Variants in NRP1 observed in about 807,000 individuals in gnomAD.
The protein encoded by NRP1 is neuropilin-1.
In NRP1, 35 loss-of-function variants were observed where a neutral mutation model predicts 106.7. That is an observed-to-expected ratio of 0.33 (90% CI 0.25 to 0.43). NRP1 has a LOEUF of 0.43. Ranked by LOEUF, NRP1 falls within the 20% of genes least tolerant of loss-of-function variation. NRP1 has a pLI of 1.00. For synonymous variants in NRP1, 437 were observed against 417.9 expected (o/e 1.05, Z -0.56); for missense variants, 1,024 against 1,170.4 (o/e 0.87, Z 1.83).
intron 2 of NRP1, among the ~76,000 whole-genome samples, chr10:33,272,711 A>G (rs1843393151): frequency 6.6e-6 from 1 of 152,116 alleles, no homozygotes; most frequent in African/African-American, 2.4e-5. Context: ...GCAGGTTTGC[A>G]TGTTTCGCCC....
intron 5 of NRP1, among the ~76,000 whole-genome samples, chr10:33,255,028 G>A (rs1842106754): frequency 6.6e-6 from 1 of 152,108 alleles, no homozygotes; most frequent in Non-Finnish European, 1.5e-5. Flanking sequence ...TGAGCTTTCA[G>A]TTTTAGGAAA....
chr10:33,185,796 C>T lies in NRP1; in HGVS notation c.2335-72G>A, dbSNP rs1835966289. 2.4e-6 allele frequency: 3 copies of T among 1,273,330 alleles called. No individual in the cohort carries two copies. The East Asian group carries it at 7.0e-5, about 30-fold the overall frequency. 78.9% of individuals were successfully genotyped at this position (1,273,330 alleles called of 1,614,324 possible). ...ATGGCAGTGTTTACAAATGCTTGTT[C>T]AGCTCCAGCTACGGCACATAAATTA... On this transcript the variant is annotated intron_variant, in intron 14 of 16. Coordinates refer to ENST00000374867, the MANE Select transcript of NRP1 (RefSeq NM_003873.7).
intron 2 of NRP1, among the ~76,000 whole-genome samples, chr10:33,304,993 CTGTAGAG>C (rs1564472226): frequency 7.9e-5 from 12 of 152,226 alleles, no homozygotes; most frequent in Non-Finnish European, 1.8e-4. Flanking sequence ...GAATGACTTG[CTGTAGAG>C]CATTGTGCTC....
chr10:33,255,296 G>C (rs1207844240), intron 5 of NRP1, among the ~76,000 whole-genome samples: 1 of 152,142 alleles, frequency 6.6e-6, no homozygotes, highest in Non-Finnish European at 1.5e-5. Context: ...ATCAGATTTT[G>C]AAATTTCACT....
At chr10:33,306,978 C>T (rs913642591) in intron 2 of NRP1, among the ~76,000 whole-genome samples, 12 of 152,262 alleles carry the variant, frequency 7.9e-5, no homozygotes, top group African/African-American at 2.2e-4. Flanking sequence ...AGCTGCCTGA[C>T]AGAGGCAAAC....
chr10:33,210,197 T>C (rs1337762866), intron 9 of NRP1, among the ~76,000 whole-genome samples: 2 of 148,002 alleles, frequency 1.4e-5, no homozygotes, highest in African/African-American at 4.9e-5. Context: ...ATTTCTTTTT[T>C]TTTTTTTATC....
intron 3 of NRP1, among the ~76,000 whole-genome samples, chr10:33,270,073 C>T (rs1843194918): frequency 6.6e-6 from 1 of 152,144 alleles, no homozygotes; most frequent in South Asian, 2.1e-4. Flanking sequence ...AAGCTGGTCC[C>T]TGATGCCAAA....
intron 8 of NRP1, among the ~76,000 whole-genome samples, chr10:33,216,136 C>T (rs1158770797): frequency 7.2e-6 from 1 of 139,020 alleles, no homozygotes; most frequent in Admixed American, 7.7e-5. Context: ...TTCTTTCTTT[C>T]TTTCTTTTTT....
At chr10:33,180,909 C>CA (rs1447973512) in intron 16 of NRP1, among the ~76,000 whole-genome samples, 4 of 152,168 alleles carry the variant, frequency 2.6e-5, no homozygotes, top group African/African-American at 9.7e-5. Context: ...ACAGTAGTTT[C>CA]AGTAAAGAAG....
chr10:33,268,114 G>A (rs1843045249), intron 3 of NRP1, among the ~76,000 whole-genome samples: 1 of 152,146 alleles, frequency 6.6e-6, no homozygotes, highest in African/African-American at 2.4e-5. Context: ...AAGGGCTTTT[G>A]AGGGAAAAAC....
chr10:33,208,445 G>T (rs1837999529), intron 9 of NRP1, among the ~76,000 whole-genome samples: 1 of 152,180 alleles, frequency 6.6e-6, no homozygotes. Context: ...GCTGCTGCTG[G>T]CTTTGTTTCC....
intron 7 of NRP1, among the ~76,000 whole-genome samples, chr10:33,222,080 G>A (rs990077864): frequency 6.6e-6 from 1 of 151,836 alleles, no homozygotes; most frequent in Non-Finnish European, 1.5e-5. Context: ...AATTTTCTGA[G>A]AGGCTAGAGT....
chr10:33,293,244 T>C (rs1845131360), intron 2 of NRP1, among the ~76,000 whole-genome samples: 1 of 152,258 alleles, frequency 6.6e-6, no homozygotes, highest in Non-Finnish European at 1.5e-5. Flanking sequence ...GGAGCTTTTT[T>C]CCCAGGCTTT....
chr10:33,275,566 TCAAA>T (rs1287121345), intron 2 of NRP1, among the ~76,000 whole-genome samples: 5 of 151,210 alleles, frequency 3.3e-5, no homozygotes, highest in Admixed American at 6.6e-5. Context: ...AGACTTTGTC[TCAAA>T]CAAACAAACG....
chr10:33,228,515 A>T (rs927173731), intron 6 of NRP1, among the ~76,000 whole-genome samples: 2 of 152,262 alleles, frequency 1.3e-5, no homozygotes, highest in Non-Finnish European at 2.9e-5. Context: ...TCCAGTGCCC[A>T]TGGGCCACGA....
intron 4 of NRP1, among the ~76,000 whole-genome samples, chr10:33,260,246 A>T (rs184232780): frequency 6.6e-6 from 1 of 152,316 alleles, no homozygotes; most frequent in African/African-American, 2.4e-5. Context: ...TAGGCCATCT[A>T]TATTTTTCTG....
chr10:33,271,851 T>G (rs1843332102), intron 2 of NRP1, among the ~76,000 whole-genome samples: 2 of 152,368 alleles, frequency 1.3e-5, no homozygotes, highest in Admixed American at 1.3e-4. Flanking sequence ...CTTTCTTCTC[T>G]TTTTATTTAC....
intron 14 of NRP1, 125 bp downstream of exon 14, chr10:33,186,092 T>A: frequency 8.0e-7 from 1 of 1,255,294 alleles, no homozygotes; most frequent in Non-Finnish European, 1.1e-6. Flanking sequence ...CAGCAATATC[T>A]CAGGGTTGGG....
intron 2 of NRP1, among the ~76,000 whole-genome samples, chr10:33,283,072 C>T (rs1469317294): frequency 6.6e-6 from 1 of 152,150 alleles, no homozygotes; most frequent in African/African-American, 2.4e-5. Context: ...GGGCACTAAC[C>T]TAAGTAAAAA....
Sources: allele counts gnomAD v4.1 joint callset (sites outside exome capture counted in the v4.1 genomes callset), GRCh38; gene constraint gnomAD v4.1.1; transcripts MANE v1.5; gene names NCBI Gene and HGNC (gene_info 2026-07-23, HGNC 2026-07-21).